WDFY4: variants seen among roughly 807,000 people sequenced by gnomAD.
The protein encoded by WDFY4 is WDFY family member 4, also known as WD repeat- and FYVE domain-containing protein 4.
In WDFY4, 169 loss-of-function variants were observed where a neutral mutation model predicts 351.9. That is an observed-to-expected ratio of 0.48 (90% CI 0.42 to 0.55). The LOEUF is 0.55. WDFY4 is among the 20% of genes least tolerant of loss of function. The pLI is 0.00. For synonymous variants in WDFY4, 1,622 were observed against 1,574.6 expected (o/e 1.03, Z -0.71); for missense variants, 3,803 against 3,935.6 (o/e 0.97, Z 0.90).
chr10:48,793,585 T>C (rs1224726335), intron 23 of WDFY4, among the ~76,000 whole-genome samples: 1 of 152,210 alleles, frequency 6.6e-6, no homozygotes, highest in African/African-American at 2.4e-5. Flanking sequence ...TGTGTTTCTT[T>C]GTAACCTGCA....
At chr10:48,841,796 T>A (rs2068616383) in intron 39 of WDFY4, among the ~76,000 whole-genome samples, 1 of 152,100 alleles carries the variant, frequency 6.6e-6, no homozygotes, top group Admixed American at 6.5e-5. Flanking sequence ...AGATTAGGGG[T>A]CTTCCTGAAA....
chr10:48,800,236 G>A (rs536507637), intron 24 of WDFY4, among the ~76,000 whole-genome samples: 1 of 152,340 alleles, frequency 6.6e-6, no homozygotes, highest in South Asian at 2.1e-4. Flanking sequence ...GGTTGAAGGA[G>A]AAGACGCAGT....
chr10:48,762,932 G>T (rs2065555548), intron 13 of WDFY4, among the ~76,000 whole-genome samples: 1 of 152,242 alleles, frequency 6.6e-6, no homozygotes, highest in South Asian at 2.1e-4. Context: ...TCTGTGAGGG[G>T]TGACAGGTGT....
chr10:48,819,563 G>A (rs1333657740), intron 32 of WDFY4, among the ~76,000 whole-genome samples: 1 of 152,180 alleles, frequency 6.6e-6, no homozygotes, highest in Non-Finnish European at 1.5e-5. Flanking sequence ...CCTTGGGTGA[G>A]TCATTCAGCC....
In WDFY4 at chr10:48,822,435, C is replaced by T. The variant is rs1043258655; in HGVS notation, c.5880C>T (p.Asn1960=). ...CTGCTGCTGCCCCTTCTCTTGCCAA[C>T]ATCTCCTGCTTCACCCAGAAGCTGG... ...AEAAAAPSLA[N]ISCFTQKLVE... is the part of the protein sequence containing the mutation. The change falls in exon 35 of 62, where the codon AAC becomes AAT. Residue 1960 remains asparagine (N), a synonymous_variant. Transcript: ENST00000325239. 12 of 1,551,398 alleles carry T rather than the reference C, an allele frequency of 7.7e-6. No homozygotes were observed. The highest frequency in any genetic ancestry group is 1.0e-5 in the Non-Finnish European group (12 of 1,146,748).
chr10:48,846,650 G>A (rs2068787011), intron 39 of WDFY4, among the ~76,000 whole-genome samples: 1 of 152,200 alleles, frequency 6.6e-6, no homozygotes, highest in Admixed American at 6.5e-5. Context: ...TGTTGGTATT[G>A]ACCAGTTTAC....
At chr10:48,739,076 A>G (rs2132391055) in intron 11 of WDFY4, among the ~76,000 whole-genome samples, 1 of 152,378 alleles carries the variant, frequency 6.6e-6, no homozygotes, top group Middle Eastern at 3.4e-3. Context: ...TGATTGGGTT[A>G]TGCACAAATT....
intron 2 of WDFY4, among the ~76,000 whole-genome samples, chr10:48,712,863 G>A (rs1162240015): frequency 6.6e-6 from 1 of 152,170 alleles, no homozygotes; most frequent in Non-Finnish European, 1.5e-5. Flanking sequence ...GAATGTGGCT[G>A]TTAACATCAA....
At chr10:48,765,049 A>G (rs2065624981) in intron 13 of WDFY4, among the ~76,000 whole-genome samples, 1 of 152,254 alleles carries the variant, frequency 6.6e-6, no homozygotes, top group African/African-American at 2.4e-5. Flanking sequence ...GACTCTGAAT[A>G]GTTAAGCTGG....
intron 39 of WDFY4, among the ~76,000 whole-genome samples, chr10:48,857,622 T>C (rs193266057): frequency 2.0e-5 from 3 of 152,318 alleles, no homozygotes; most frequent in South Asian, 4.1e-4. Context: ...TAAATATAAG[T>C]TATTTAGCCA....
intron 39 of WDFY4, among the ~76,000 whole-genome samples, chr10:48,833,141 ATGTGTGTGTGTGTG>A (rs1227956041): frequency 2.1e-5 from 3 of 141,626 alleles, no homozygotes; most frequent in South Asian, 2.3e-4. Flanking sequence ...GGCACCAACA[ATGTGTGTGTGTGTG>A]TGTGTGTGTG....
At chr10:48,706,830 T>C (rs2063644236) in intron 1 of WDFY4, among the ~76,000 whole-genome samples, 1 of 152,224 alleles carries the variant, frequency 6.6e-6, no homozygotes, top group Non-Finnish European at 1.5e-5. Context: ...TAATTGGATA[T>C]CACTTAAGTG....
At chr10:48,834,663 T>C (rs1204483934) in intron 39 of WDFY4, among the ~76,000 whole-genome samples, 1 of 152,194 alleles carries the variant, frequency 6.6e-6, no homozygotes, top group African/African-American at 2.4e-5. Flanking sequence ...ATCATGGAGC[T>C]TCTCTTCCTT....
At chr10:48,799,138 C>T (rs1476480196) in intron 24 of WDFY4, among the ~76,000 whole-genome samples, 1 of 152,172 alleles carries the variant, frequency 6.6e-6, no homozygotes, top group Non-Finnish European at 1.5e-5. Context: ...GCTCCATTGC[C>T]TGCTACTAGA....
chr10:48,946,271 G>C (rs1326763505), intron 50 of WDFY4, 114 bp downstream of exon 50: 4 of 833,352 alleles, frequency 4.8e-6, no homozygotes, highest in Non-Finnish European at 7.5e-6. Context: ...CATTTGAATA[G>C]AGGACTCTAA....
intron 48 of WDFY4, among the ~76,000 whole-genome samples, chr10:48,942,074 C>T (rs1305158690): frequency 6.6e-6 from 1 of 152,172 alleles, no homozygotes; most frequent in Non-Finnish European, 1.5e-5. Flanking sequence ...AAGCGATTCT[C>T]CTGCCTCAGC....
chr10:48,736,263 C>A (rs1267310774), intron 11 of WDFY4, 193 bp downstream of exon 11: 3 of 662,718 alleles, frequency 4.5e-6, no homozygotes, highest in Non-Finnish European at 8.0e-6. Context: ...TTTGAAATTT[C>A]TTTGCAACAT....
intron 12 of WDFY4, among the ~76,000 whole-genome samples, chr10:48,749,962 A>G (rs921637713): frequency 4.6e-5 from 7 of 152,180 alleles, no homozygotes; most frequent in South Asian, 2.1e-4. Context: ...AGTTGTGGCT[A>G]TAACTTATAG....
At chr10:48,966,992 T>A in intron 55 of WDFY4, 3 of 341,590 alleles carry the variant, frequency 8.8e-6, no homozygotes, top group Non-Finnish European at 1.6e-5. Context: ...CTTTTATACA[T>A]GCACACACAC....
Sources: gnomAD v4.1 joint callset for allele counts (sites outside exome capture counted in the v4.1 genomes callset) on GRCh38, gnomAD v4.1.1 for gene constraint, MANE v1.5 for transcripts, NCBI Gene and HGNC (gene_info 2026-07-23, HGNC 2026-07-21) for gene names.